PEAK1: variants seen among roughly 807,000 people sequenced by gnomAD.
PEAK1 encodes the protein inactive tyrosine-protein kinase PEAK1.
PEAK1 carries 54 observed loss-of-function variants against 124.7 expected under a neutral mutation model. That is an observed-to-expected ratio of 0.43 (90% CI 0.35 to 0.54). The LOEUF is 0.54. Among genes scored for constraint, PEAK1 ranks in the 20% least tolerant of loss-of-function variants. PEAK1 has a pLI of 0.01. For synonymous variants in PEAK1, 719 were observed against 760.0 expected, an observed-to-expected ratio of 0.95 and a Z score of 0.89; for missense variants, 2,046 against 2,134.5, an observed-to-expected ratio of 0.96 and a Z score of 0.82.
intron 2 of PEAK1, among the ~76,000 whole-genome samples, chr15:77,298,838 T>A (rs1205421543): frequency 1.3e-5 from 2 of 152,136 alleles, no homozygotes; most frequent in African/African-American, 4.8e-5. Context: ...TTCTCTCCGT[T>A]TCCTTAGCGT....
chr15:77,348,121 A>T, intron 2 of PEAK1: 4 of 985,078 alleles, frequency 4.1e-6, no homozygotes, highest in Non-Finnish European at 4.8e-6. Flanking sequence ...ACAACAATGG[A>T]GATCAAAAAC....
Position 77,178,938 on chromosome 15 carries a change from G to T in PEAK1, c.2989C>A (p.Gln997Lys), listed in dbSNP as rs1317871240. 4 of 1,614,082 alleles carry T rather than the reference G, an allele frequency of 2.5e-6. No individual in the cohort carries two copies. Among genetic ancestry groups the T allele is most frequent in the Non-Finnish European group, 1.7e-6 (2 of 1,180,024 alleles). The change falls in exon 7 of 10, where the codon CAA (glutamine) becomes AAA (lysine). Residue 997 changes from glutamine (Q) to lysine (K), a missense_variant. By Grantham distance (53) the Gln-to-Lys change is moderately conservative. Transcript: ENST00000682557. ...CTCTGATCCACACTGAGCTGGCCTT[G>T]AGCAGGGTCGCACCTGTACATGAAG... ...IVFMYRCDPA[Q>K]GQLSVDQSKA...
At position 77,196,607 on chromosome 15, in the gene PEAK1, G is replaced by A. The variant is rs76874624; in HGVS notation, c.-114-14567C>T. Among the ~76,000 whole-genome samples the A allele has an allele frequency of 2.0e-5, 3 of 152,188 alleles. No individual in the cohort carries two copies. The East Asian group carries it at 5.8e-4, about 29-fold the overall frequency. The stretch of plus-strand genomic sequence containing the variant: ...AAAACATGGGCTTTGGAGAAAAAAG[G>A]GTGTTGTGACACATGCATGTTAACT... On this transcript the variant is annotated intron_variant, in intron 6 of 9. Coordinates refer to ENST00000682557, the MANE Select transcript of PEAK1 (RefSeq NM_001385026.1).
intron 6 of PEAK1, among the ~76,000 whole-genome samples, chr15:77,248,397 G>GA (rs1222779535): frequency 2.0e-5 from 3 of 152,206 alleles, no homozygotes; most frequent in Non-Finnish European, 4.4e-5. Context: ...GTATTCCGTT[G>GA]AATGAATATT....
At chr15:77,215,394 C>T (rs2059104450) in intron 6 of PEAK1, among the ~76,000 whole-genome samples, 1 of 152,226 alleles carries the variant, frequency 6.6e-6, no homozygotes, top group Non-Finnish European at 1.5e-5. Context: ...AGCTATCCCT[C>T]AGTGTCTCTG....
chr15:77,201,966 A>G (rs757280539), intron 6 of PEAK1, among the ~76,000 whole-genome samples: 10 of 152,282 alleles, frequency 6.6e-5, no homozygotes, highest in Non-Finnish European at 1.3e-4. Flanking sequence ...CCCTTTGTGC[A>G]TCTGATTCAT....
intron 8 of PEAK1, among the ~76,000 whole-genome samples, chr15:77,143,991 C>A (rs1410582069): frequency 6.6e-6 from 1 of 152,182 alleles, no homozygotes; most frequent in Non-Finnish European, 1.5e-5. Context: ...GCCCATTTCT[C>A]CAAATTAGAA....
At chr15:77,349,836 T>G (rs2067099288) in intron 2 of PEAK1, 1 of 985,220 alleles carries the variant, frequency 1.0e-6, no homozygotes, top group Admixed American at 6.1e-5. Context: ...GAAAACTAAT[T>G]AAAAGAAAAG....
In PEAK1 at chr15:77,179,511, C is replaced by G. The variant is rs1204536079; in HGVS notation, c.2416G>C (p.Ala806Pro). 1 of 1,614,114 alleles carries G rather than the reference C, an allele frequency of 6.2e-7. No homozygotes were observed. The highest frequency in any genetic ancestry group is 2.2e-5 in the East Asian group (1 of 44,880). The change falls in exon 7 of 10, where the codon GCT becomes CCT. Residue 806 changes from alanine (A) to proline (P), a missense_variant. Physicochemically the swap from Ala to Pro is conservative, Grantham distance 27 (BLOSUM62 -1). Transcript: ENST00000682557. ...LYAIPPDADV[A>P]KSTPKSTPVR... Reference sequence around the variant, plus strand: ...GGCGTACTCTTAGGTGTGCTCTTAGCAACATCAGCATCTGGAGGAATGGCA... The same window carrying G: ...GGCGTACTCTTAGGTGTGCTCTTAGGAACATCAGCATCTGGAGGAATGGCA...
intron 9 of PEAK1, among the ~76,000 whole-genome samples, chr15:77,123,305 A>G (rs978622144): frequency 2.6e-5 from 4 of 152,226 alleles, no homozygotes; most frequent in Admixed American, 1.3e-4. Flanking sequence ...TACTTTTTAT[A>G]AAATGATCTC....
rs560632113 is a variant in PEAK1 at position 77,211,418 on chromosome 15, G to A, written c.-114-29378C>T. On this transcript the variant is annotated intron_variant, in intron 6 of 9. Coordinates refer to ENST00000682557, the MANE Select transcript of PEAK1 (RefSeq NM_001385026.1). ...AAATTCTGGGTAGTACAGGTTCTAC[G>A]GCTCCACTAAGATACCATGGAGGTG... Among the ~76,000 whole-genome samples the A allele has an allele frequency of 3.9e-5, 6 of 152,038 alleles. No homozygotes were observed. The East Asian group carries it at 1.2e-3, about 29-fold the overall frequency.
intron 9 of PEAK1, among the ~76,000 whole-genome samples, chr15:77,126,312 G>C (rs1007724477): frequency 6.6e-6 from 1 of 152,072 alleles, no homozygotes; most frequent in African/African-American, 2.4e-5. Flanking sequence ...TTGGACTTAT[G>C]TGCCATAATT....
At chr15:77,309,401 A>C (rs2064299313) in intron 2 of PEAK1, among the ~76,000 whole-genome samples, 1 of 152,098 alleles carries the variant, frequency 6.6e-6, no homozygotes, top group South Asian at 2.1e-4. Context: ...AAGTTTTATA[A>C]TTAATGACAG....
chr15:77,179,687 CCTT>C lies in PEAK1; in HGVS notation c.2237_2239del (p.Glu746del), dbSNP rs1407698950. On this transcript the variant is annotated inframe_deletion, in exon 7 of 10. Coordinates refer to ENST00000682557, the MANE Select transcript of PEAK1 (RefSeq NM_001385026.1). ...GCCCACCATCTGAGACTCCTGAGTG[CCTT>C]CTATTTTGGCCACAGGCTCTTGAGT... 5.0e-6 allele frequency: 8 copies of C among 1,613,832 alleles called. No homozygotes were observed. The highest frequency in any genetic ancestry group is 6.8e-6 in the Non-Finnish European group (8 of 1,179,990).
At chr15:77,129,352 TAC>T in intron 9 of PEAK1, among the ~76,000 whole-genome samples, 1 of 152,206 alleles carries the variant, frequency 6.6e-6, no homozygotes, top group African/African-American at 2.4e-5. Context: ...TAAAATAACA[TAC>T]AGTTAGTACT....
At chr15:77,299,338 G>GT (rs1278453837) in intron 2 of PEAK1, among the ~76,000 whole-genome samples, 2 of 152,254 alleles carry the variant, frequency 1.3e-5, no homozygotes, top group East Asian at 1.9e-4. Flanking sequence ...TTCAAGAATG[G>GT]TTTTTTCCCC....
At chr15:77,168,225 G>C (rs1157120843) in intron 7 of PEAK1, among the ~76,000 whole-genome samples, 1 of 114,726 alleles carries the variant, frequency 8.7e-6, no homozygotes, top group Non-Finnish European at 1.8e-5. Context: ...ATGCACATAT[G>C]CATGTGCGCG....
At chr15:77,370,620 C>T in intron 1 of PEAK1, 2 of 861,388 alleles carry the variant, frequency 2.3e-6, no homozygotes, top group Non-Finnish European at 2.8e-6. Context: ...CCTTGCCTAC[C>T]CATAATTTTG....
intron 7 of PEAK1, among the ~76,000 whole-genome samples, chr15:77,171,664 T>C (rs933873545): frequency 1.3e-4 from 20 of 152,172 alleles, no homozygotes; most frequent in Admixed American, 2.0e-4. Context: ...TAGTTTCAGA[T>C]AGCTAGAAGG....
Sources: gnomAD v4.1 joint callset for allele counts (sites outside exome capture counted in the v4.1 genomes callset) on GRCh38, gnomAD v4.1.1 for gene constraint, MANE v1.5 for transcripts, NCBI Gene and HGNC (gene_info 2026-07-23, HGNC 2026-07-21) for gene names.